SLC4A5: variants seen among roughly 807,000 people sequenced by gnomAD.
SLC4A5 encodes the protein electrogenic sodium bicarbonate cotransporter 4.
In SLC4A5, 96 loss-of-function variants were observed where a neutral mutation model predicts 120.4. The ratio of observed to expected loss-of-function variants is 0.80; its 90% CI spans 0.68 to 0.94. The LOEUF (loss-of-function observed/expected upper bound fraction) is 0.94. SLC4A5 is among the 40% of genes least tolerant of loss of function. SLC4A5 has a pLI of 0.00. For missense variants in SLC4A5, 1,259 were observed against 1,459.5 expected, an observed-to-expected ratio of 0.86 and a Z score of 2.24; for synonymous variants, 550 against 571.1, an observed-to-expected ratio of 0.96 and a Z score of 0.53.
Position 74,250,335 on chromosome 2 carries a change from G to A in SLC4A5, c.1653+8C>T, listed in dbSNP as rs748189337. Reference sequence around the variant, plus strand: ...ACTTTTACACTCAGGGCACCGGCTCGCACACACCTGATAATTGTCGGTGGC... The same window carrying A: ...ACTTTTACACTCAGGGCACCGGCTCACACACACCTGATAATTGTCGGTGGC... On this transcript the variant is annotated splice_region_variant and intron_variant, in intron 17 of 30. Coordinates refer to ENST00000394019, the Ensembl canonical transcript of SLC4A5. 105 of 1,611,892 alleles carry A rather than the reference G, an allele frequency of 6.5e-5. No homozygotes were observed. The highest frequency in any genetic ancestry group is 8.3e-5 in the Non-Finnish European group (98 of 1,179,440).
At chr2:74,262,204 A>G (rs761632147) in exon 11 of SLC4A5, 1 of 1,539,950 alleles carries the variant, frequency 6.5e-7, no homozygotes, top group Non-Finnish European at 8.8e-7. Flanking sequence ...GACTCGGGCC[A>G]GCACCAGGGC....
rs150926008 is a variant in SLC4A5, at chr2:74,271,745, G to T, written c.402-6481C>A. Among the ~76,000 whole-genome samples, 1,099 of 151,292 alleles carry T rather than the reference G, an allele frequency of 7.3e-3. 10 individuals are homozygous for T. Among genetic ancestry groups the T allele is most frequent in the African/African-American group, 0.025 (1,040 of 41,174 alleles). ...CACTGATCACTTTGGGTGAGATCTC[G>T]CTATGAGGAAATGACTGGGGAAAAA... is the stretch of plus-strand genomic sequence containing the variant. On this transcript the variant is annotated intron_variant, in intron 8 of 30. Coordinates refer to ENST00000394019, the Ensembl canonical transcript of SLC4A5.
At chr2:74,295,192 C>G (rs1057093776) in intron 7 of SLC4A5, among the ~76,000 whole-genome samples, 1 of 150,114 alleles carries the variant, frequency 6.7e-6, no homozygotes, top group African/African-American at 2.5e-5. Flanking sequence ...CAAGGAGATA[C>G]GAGGAGACTC....
At chr2:74,311,639 G>A (rs1387989416) in intron 6 of SLC4A5, among the ~76,000 whole-genome samples, 3 of 151,796 alleles carry the variant, frequency 2.0e-5, no homozygotes, top group African/African-American at 7.3e-5. Flanking sequence ...TTGATTTTTA[G>A]TTTAATTCCA....
At chr2:74,309,058 G>A (rs1286753116) in intron 6 of SLC4A5, among the ~76,000 whole-genome samples, 3 of 151,666 alleles carry the variant, frequency 2.0e-5, no homozygotes, top group East Asian at 3.9e-4. Context: ...GAGATCACAG[G>A]CATGCATCAC....
At chr2:74,227,516 C>T in intron 26 of SLC4A5, 1 of 1,612,240 alleles carries the variant, frequency 6.2e-7, no homozygotes, top group Non-Finnish European at 8.5e-7. Context: ...GAAATGCTCA[C>T]TGGAGTCAGC....
chr2:74,321,280 C>T (rs1293695932), intron 5 of SLC4A5, among the ~76,000 whole-genome samples: 3 of 152,172 alleles, frequency 2.0e-5, no homozygotes, highest in African/African-American at 7.2e-5. Context: ...AAAAGAAACA[C>T]TTCCCTCAGA....
exon 19 of SLC4A5, chr2:74,247,257 G>A (rs1286749296): frequency 3.7e-6 from 6 of 1,614,200 alleles, no homozygotes; most frequent in African/African-American, 1.3e-5. Context: ...CTGGACAGCT[G>A]AGTGTAGGCC....
chr2:74,262,648 G>A (rs1338607333), intron 10 of SLC4A5, among the ~76,000 whole-genome samples: 3 of 151,418 alleles, frequency 2.0e-5, no homozygotes, highest in Admixed American at 2.0e-4. Context: ...GCAGTGAGCT[G>A]AGATCGCGCC....
intron 8 of SLC4A5, among the ~76,000 whole-genome samples, chr2:74,284,850 C>T (rs981146797): frequency 2.6e-5 from 4 of 152,270 alleles, no homozygotes; most frequent in East Asian, 1.9e-4. Flanking sequence ...CTGCTCCACA[C>T]GCTTTTCTCC....
intron 30 of SLC4A5, among the ~76,000 whole-genome samples, chr2:74,219,199 GT>G (rs1694540822): frequency 8.0e-6 from 1 of 125,206 alleles, no homozygotes; most frequent in Admixed American, 7.7e-5. Flanking sequence ...GTGTGTGTGT[GT>G]GTGTGTGTGT....
At chr2:74,314,635 T>C (rs1373838575) in intron 6 of SLC4A5, among the ~76,000 whole-genome samples, 1 of 152,224 alleles carries the variant, frequency 6.6e-6, no homozygotes, top group African/African-American at 2.4e-5. Context: ...TCTATTAATA[T>C]AAAATGTTGA....
intron 25 of SLC4A5, 62 bp from the exon 26 acceptor site, chr2:74,227,940 C>T: frequency 7.5e-7 from 1 of 1,333,602 alleles, no homozygotes; most frequent in South Asian, 1.4e-5. Context: ...CCACCCTGTT[C>T]TGGATGACAG....
chr2:74,243,769 C>T (rs1670521355), intron 19 of SLC4A5, among the ~76,000 whole-genome samples: 3 of 152,150 alleles, frequency 2.0e-5, no homozygotes, highest in African/African-American at 7.2e-5. Context: ...CTGAAAGCCA[C>T]TTGAGATGAA....
At chr2:74,270,127 A>T (rs1217340065) in intron 8 of SLC4A5, among the ~76,000 whole-genome samples, 1 of 152,246 alleles carries the variant, frequency 6.6e-6, no homozygotes, top group African/African-American at 2.4e-5. Context: ...ATTTGATTTA[A>T]GAAATTCCGG....
At chr2:74,284,123 C>T (rs1013943068) in intron 8 of SLC4A5, among the ~76,000 whole-genome samples, 2 of 150,938 alleles carry the variant, frequency 1.3e-5, no homozygotes, top group Admixed American at 1.3e-4. Context: ...GTTGGCATTA[C>T]AGGCATGAGC....
intron 8 of SLC4A5, among the ~76,000 whole-genome samples, chr2:74,268,770 C>T (rs1671382342): frequency 6.6e-6 from 1 of 152,220 alleles, no homozygotes; most frequent in South Asian, 2.1e-4. Context: ...TTCTTTTTCA[C>T]CTTTGTTCAT....
chr2:74,248,566 TCCACGGGC>T, intron 17 of SLC4A5, 80 bp from the exon 18 acceptor site: 1 of 1,520,428 alleles, frequency 6.6e-7, no homozygotes, highest in South Asian at 1.2e-5. Flanking sequence ...CAGCGATCTC[TCCACGGGC>T]CCAGGCCACA....
chr2:74,321,171 C>G (rs1347301780), intron 5 of SLC4A5, among the ~76,000 whole-genome samples: 1 of 152,122 alleles, frequency 6.6e-6, no homozygotes, highest in African/African-American at 2.4e-5. Context: ...TATAAAACAC[C>G]TGTGGAGGAT....
Sources: allele counts gnomAD v4.1 joint callset (sites outside exome capture counted in the v4.1 genomes callset), GRCh38; gene constraint gnomAD v4.1.1; transcripts MANE v1.5; gene names NCBI Gene and HGNC (gene_info 2026-07-23, HGNC 2026-07-21).